Variants in PDLIM2 observed in about 807,000 individuals in gnomAD.
The protein encoded by PDLIM2 is PDZ and LIM domain protein 2.
A neutral mutation model predicts 54.1 loss-of-function variants in PDLIM2; 51 were observed. The ratio of observed to expected loss-of-function variants is 0.94; its 90% CI spans 0.75 to 1.19. The LOEUF is 1.19. Among genes scored for constraint, PDLIM2 ranks in the 50% most tolerant of loss-of-function variants. The pLI, the probability that PDLIM2 is intolerant of heterozygous loss-of-function variation, is 0.00. For missense variants in PDLIM2, 912 were observed against 874.0 expected (o/e 1.04, Z -0.55); for synonymous variants, 398 against 385.6 (o/e 1.03, Z -0.38).
intron 6 of PDLIM2, among the ~76,000 whole-genome samples, chr8:22,586,570 C>T (rs767450835): frequency 6.6e-6 from 1 of 151,746 alleles, no homozygotes; most frequent in Non-Finnish European, 1.5e-5. Context: ...AACACTGGTC[C>T]GGGCGACGGC....
At chr8:22,591,596 C>A in exon 9 of PDLIM2, 1 of 1,613,670 alleles carries the variant, frequency 6.2e-7, no homozygotes, top group Non-Finnish European at 8.5e-7. Flanking sequence ...CCCCAGTCCT[C>A]CCTGCCCGCC....
chr8:22,580,490 C>T (rs1800155402), intron 1 of PDLIM2: 1 of 1,575,556 alleles, frequency 6.3e-7, no homozygotes, highest in East Asian at 2.3e-5. Flanking sequence ...AGTAGCTGCT[C>T]CGGGAGCTGT....
intron 9 of PDLIM2, 123 bp from the exon 9 acceptor site, chr8:22,593,610 T>G (rs1800613934): frequency 8.6e-6 from 5 of 578,854 alleles, no homozygotes; most frequent in South Asian, 2.7e-5. Context: ...AAAAGTCTAG[T>G]CTCTGAGAAG....
chr8:22,594,944 A>C, downstream of PDLIM2: 3 of 276,928 alleles, frequency 1.1e-5, no homozygotes, highest in Admixed American at 5.0e-5. Context: ...CACAAAAACA[A>C]ATGAATGCAT....
chr8:22,591,321 G>C, intron 8 of PDLIM2: 1 of 582,992 alleles, frequency 1.7e-6, no homozygotes. Context: ...GATGGCCCCA[G>C]GTGGCCTTGG....
At chr8:22,581,091 C>T (rs761947237) in intron 2 of PDLIM2, 53 of 679,784 alleles carry the variant, frequency 7.8e-5, no homozygotes, top group Admixed American at 1.9e-4. Context: ...GCGATTTGCA[C>T]GGGCAAGGCT....
At chr8:22,582,944 C>G (rs1800255008) in intron 3 of PDLIM2, among the ~76,000 whole-genome samples, 1 of 139,904 alleles carries the variant, frequency 7.1e-6, no homozygotes, top group Non-Finnish European at 1.6e-5. Flanking sequence ...GCCTCCTACC[C>G]TCCCAGGTGA....
At chr8:22,585,439 G>A (rs1202196359) in intron 6 of PDLIM2, 40 bp downstream of exon 5, 1 of 1,561,032 alleles carries the variant, frequency 6.4e-7, no homozygotes, top group Non-Finnish European at 8.7e-7. Flanking sequence ...AGGAACAGAA[G>A]CACCTCCCGT....
rs747158299 is a variant in PDLIM2 at position 22,581,433 on chromosome 8, G to A, written c.898G>A (p.Val300Met). ...TGACCTCCGGCCTGGAGACATAATCGTGGCCATCAACGGGGAAAGCGCGGA... is the reference window on the plus strand; with the variant it reads ...TGACCTCCGGCCTGGAGACATAATCATGGCCATCAACGGGGAAAGCGCGGA... Residue 300 changes from valine to methionine, a missense_variant, in exon 3 of 10, where the codon GTG becomes ATG. Transcript: ENST00000308354. 71 of 1,608,504 alleles carry A rather than the reference G, an allele frequency of 4.4e-5. No individual in the cohort carries two copies. In the Admixed American group the frequency reaches 9.7e-4, roughly 22 times the overall value.
chr8:22,594,544 T>C (rs775126306), downstream of PDLIM2: 7 of 1,614,008 alleles, frequency 4.3e-6, no homozygotes, highest in Middle Eastern at 3.3e-4. Context: ...ACGCTTGTGC[T>C]ATGGAGGGAA....
intron 3 of PDLIM2, among the ~76,000 whole-genome samples, chr8:22,584,217 A>G (rs1800301681): frequency 6.9e-6 from 1 of 145,822 alleles, no homozygotes; most frequent in South Asian, 2.2e-4. Context: ...CACCTTGTTG[A>G]TGACCAGGCT....
At chr8:22,583,004 G>A (rs574260054) in intron 3 of PDLIM2, among the ~76,000 whole-genome samples, 2 of 150,082 alleles carry the variant, frequency 1.3e-5, no homozygotes, top group South Asian at 4.2e-4. Context: ...CTCCAGGCTG[G>A]AGCCAGAGAC....
At chr8:22,579,397 C>G (rs1243076196) in exon 1 of PDLIM2, 1 of 1,509,920 alleles carries the variant, frequency 6.6e-7, no homozygotes, top group Non-Finnish European at 8.8e-7. Flanking sequence ...GAGCGCTCCT[C>G]CTCCAGCCCC....
chr8:22,589,043 G>A (rs1246801732), intron 6 of PDLIM2: 4 of 572,278 alleles, frequency 7.0e-6, no homozygotes, highest in Non-Finnish European at 9.3e-6. Context: ...GGCAGAACCC[G>A]CATGCCTCCC....
intron 6 of PDLIM2, chr8:22,589,025 C>T (rs966783072): frequency 3.5e-6 from 2 of 564,518 alleles, no homozygotes; most frequent in Non-Finnish European, 3.1e-6. Flanking sequence ...TCCTGCTGCC[C>T]GGTCCCCGGC....
chr8:22,580,841 C>T lies in PDLIM2; in HGVS notation c.843+144C>T, dbSNP rs1214755359. 41 of 952,986 alleles carry T rather than the reference C, an allele frequency of 4.3e-5. No homozygotes were observed. In the Admixed American group the frequency reaches 4.7e-4, roughly 11 times the overall value. The allele number at this position is 952,986 out of a possible 1,614,324, so 59.0% of individuals were successfully genotyped here. A position where few individuals can be genotyped will look rare whatever the true frequency, so the allele number is the denominator to read the frequency against. ...CCTGGCGTGCTGGCTGTAAGGGAGC[C>T]GTGGCCCTTTGCCACGGGGATGTGG... On this transcript the variant is annotated intron_variant, in intron 2 of 9. Transcript: ENST00000308354.
chr8:22,589,204 G>A, intron 6 of PDLIM2, 94 bp from the exon 6 acceptor site: 1 of 1,370,988 alleles, frequency 7.3e-7, no homozygotes, highest in Non-Finnish European at 1.0e-6. Context: ...GGGCCCCCTG[G>A]TGTCGGGCCT....
At chr8:22,579,497 C>T (rs1230787717) in exon 1 of PDLIM2, 2 of 1,509,742 alleles carry the variant, frequency 1.3e-6, no homozygotes, top group African/African-American at 1.4e-5. Context: ...CCGCGGCGCC[C>T]GCAGCGCGGA....
chr8:22,593,634 C>G lies in PDLIM2; in HGVS notation c.1632-99C>G, dbSNP rs140387733. 2.8e-4 allele frequency: 297 copies of G among 1,064,694 alleles called. No individual in the cohort carries two copies. The African/African-American group carries it at 4.2e-3, about 15-fold the overall frequency. The allele number at this position is 1,064,694 out of a possible 1,614,324, so 66.0% of individuals were successfully genotyped here. On this transcript the variant is annotated intron_variant, in intron 9 of 9. Transcript: ENST00000308354. The stretch of plus-strand genomic sequence containing the variant: ...GTCTCTGAGAAGGCTTTGGGCTCCA[C>G]CCAGGTCCTGATGCTACAGTGGGGA...
Sources: gnomAD v4.1 joint callset for allele counts (sites outside exome capture counted in the v4.1 genomes callset) on GRCh38, gnomAD v4.1.1 for gene constraint, MANE v1.5 for transcripts, NCBI Gene and HGNC (gene_info 2026-07-23, HGNC 2026-07-21) for gene names.